ZBTB8OS: variants seen among roughly 807,000 people sequenced by gnomAD.
ZBTB8OS encodes tRNA-splicing ligase-activating factor archease.
ZBTB8OS carries 16 observed loss-of-function variants against 29.3 expected under a neutral mutation model. The observed-to-expected ratio is 0.55, with a 90% CI of 0.37 to 0.83. ZBTB8OS has a LOEUF of 0.83. Among genes scored for constraint, ZBTB8OS ranks in the 40% least tolerant of loss-of-function variants. ZBTB8OS has a pLI of 0.00. For missense variants in ZBTB8OS, 160 were observed against 196.9 expected (o/e 0.81, Z 1.12); for synonymous variants, 70 against 64.6 (o/e 1.08, Z -0.40).
chr1:32,626,761 C>T (rs1459915919), intron 6 of ZBTB8OS, among the ~76,000 whole-genome samples: 1 of 152,132 alleles, frequency 6.6e-6, no homozygotes, highest in Non-Finnish European at 1.5e-5. Flanking sequence ...GTTGGCCAGG[C>T]TGGTCTCAAA....
intron 1 of ZBTB8OS, among the ~76,000 whole-genome samples, chr1:32,643,227 C>T (rs1332973724): frequency 6.6e-6 from 1 of 151,366 alleles, no homozygotes; most frequent in Non-Finnish European, 1.5e-5. Context: ...TGCACCACCA[C>T]GCATGGCTAA....
chr1:32,627,102 T>G (rs1281692576), intron 6 of ZBTB8OS, among the ~76,000 whole-genome samples: 1 of 152,146 alleles, frequency 6.6e-6, no homozygotes, highest in African/African-American at 2.4e-5. Flanking sequence ...AGAAAAAAAC[T>G]GCCAACTCCT....
chr1:32,644,505 T>C (rs965447068), intron 1 of ZBTB8OS, among the ~76,000 whole-genome samples: 4 of 151,302 alleles, frequency 2.6e-5, no homozygotes, highest in African/African-American at 9.7e-5. Context: ...AGCCACTGCT[T>C]CTATCCTAAG....
At chr1:32,630,521 C>T (rs1386353000) in intron 5 of ZBTB8OS, among the ~76,000 whole-genome samples, 1 of 151,904 alleles carries the variant, frequency 6.6e-6, no homozygotes, top group Admixed American at 6.6e-5. Flanking sequence ...CCACTGCACT[C>T]CAGCCTGGGG....
intron 1 of ZBTB8OS, among the ~76,000 whole-genome samples, chr1:32,637,292 G>A (rs559578991): frequency 8.6e-5 from 13 of 151,178 alleles, no homozygotes; most frequent in East Asian, 7.7e-4. Context: ...GGCCGGGCGC[G>A]GTGGCTCACG....
Position 32,621,090 on chromosome 1 carries a change from G to C in ZBTB8OS, c.*772C>G, listed in dbSNP as rs1489621008. The C allele has an allele frequency of 1.3e-5, 2 of 152,360 alleles. No individual in the cohort carries two copies. Among genetic ancestry groups the C allele is most frequent in the Non-Finnish European group, 2.9e-5 (2 of 68,064 alleles). 9.4% of individuals were successfully genotyped at this position (152,360 alleles called of 1,614,324 possible). A position where few individuals can be genotyped will look rare whatever the true frequency, so the allele number is the denominator to read the frequency against. On this transcript the variant is annotated 3_prime_UTR_variant, in exon 7 of 7. Transcript: ENST00000468695. ...AGCAACCTAAACCAGCACCTCCCTT[G>C]ATGTGCATATAGAAAATCTATGTCT...
At chr1:32,631,168 C>A (rs1645524313) in intron 5 of ZBTB8OS, among the ~76,000 whole-genome samples, 1 of 151,790 alleles carries the variant, frequency 6.6e-6, no homozygotes, top group African/African-American at 2.4e-5. Context: ...CCAGCCTGGG[C>A]AACATGGGGA....
At chr1:32,634,513 A>T (rs1037871079) in intron 2 of ZBTB8OS, 1 of 541,412 alleles carries the variant, frequency 1.8e-6, no homozygotes, top group Non-Finnish European at 3.3e-6. Context: ...GCGTTGAGCC[A>T]CCACACCCGG....
At chr1:32,646,481 G>A (rs922836413) in intron 1 of ZBTB8OS, among the ~76,000 whole-genome samples, 136 of 151,214 alleles carry the variant, frequency 9.0e-4, no homozygotes, top group African/African-American at 2.9e-3. Context: ...TCCGCCTCCC[G>A]GGTTCACGCC....
In ZBTB8OS at chr1:32,633,712, G is replaced by T. The variant is rs775482761; in HGVS notation, c.260C>A (p.Ser87Tyr). ...TTCATCCAAAAAGTGAAACAGAAGA[G>T]ACTGTAAGTCATCTCCTACACAAGA... ...EVETQGDDLQ[S>Y]LLFHFLDEWL... is the part of the protein sequence containing the mutation. The change falls in exon 4 of 7, where the codon TCT (serine) becomes TAT (tyrosine). Residue 87 changes from serine (S) to tyrosine (Y), a missense_variant. Ser to Tyr is a moderately radical substitution (Grantham distance 144). Coordinates refer to ENST00000468695, the MANE Select transcript of ZBTB8OS (RefSeq NM_178547.5). The T allele has an allele frequency of 1.9e-6, 3 of 1,607,244 alleles. No homozygotes were observed. Among genetic ancestry groups the T allele is most frequent in the East Asian group, 2.2e-5 (1 of 44,782 alleles).
At chr1:32,645,063 T>C (rs811491) in intron 1 of ZBTB8OS, among the ~76,000 whole-genome samples, 147,348 of 151,942 alleles carry the variant, frequency 0.97, 71,608 homozygotes, top group East Asian at 1. Context: ...CCTGCAGTCC[T>C]GGCTACTCAG....
At chr1:32,627,888 A>T (rs1426688771) in intron 5 of ZBTB8OS, 1 of 202,962 alleles carries the variant, frequency 4.9e-6, no homozygotes, top group African/African-American at 2.3e-5. Context: ...TTAAAAAAAT[A>T]AAAAAAGTTA....
upstream of ZBTB8OS, chr1:32,650,585 A>G (rs760557000): frequency 5.0e-6 from 8 of 1,613,432 alleles, no homozygotes; most frequent in South Asian, 2.2e-5. Flanking sequence ...TTCGGCCCGG[A>G]GTTACTACTT....
Position 32,633,635 on chromosome 1 carries a change from C to T in ZBTB8OS, c.327+10G>A, listed in dbSNP as rs1215904818. The T allele has an allele frequency of 1.9e-6, 3 of 1,584,428 alleles. No homozygotes were observed. Among genetic ancestry groups the T allele is most frequent in the East Asian group, 2.2e-5 (1 of 44,644 alleles). On this transcript the variant is annotated intron_variant, in intron 4 of 6. Coordinates refer to ENST00000468695, the MANE Select transcript of ZBTB8OS (RefSeq NM_178547.5). Reference sequence around the variant, plus strand: ...CATTTGCTCAGTAAAAAAGAAAAACCTTTGCTTACCCGGGGTATGAAGAAT... The same window carrying T: ...CATTTGCTCAGTAAAAAAGAAAAACTTTTGCTTACCCGGGGTATGAAGAAT...
At chr1:32,644,145 T>A (rs1251882730) in intron 1 of ZBTB8OS, among the ~76,000 whole-genome samples, 2 of 152,170 alleles carry the variant, frequency 1.3e-5, no homozygotes, top group African/African-American at 4.8e-5. Context: ...AGTAAACAGT[T>A]CCAGGTGCAG....
At position 32,621,710 on chromosome 1, in the gene ZBTB8OS, CTTTCTGAAAG is replaced by C; in HGVS notation, c.*142_*151del. On this transcript the variant is annotated 3_prime_UTR_variant, in exon 7 of 7. Coordinates refer to ENST00000468695, the MANE Select transcript of ZBTB8OS (RefSeq NM_178547.5). Reference sequence around the variant, plus strand: ...GACCAAGGCTGTGCCCTGATTTTCCCTTTCTGAAAGTCACACTTTAACTAAAATATTTCTG... The same window carrying C: ...GACCAAGGCTGTGCCCTGATTTTCCCTCACACTTTAACTAAAATATTTCTG... The C allele has an allele frequency of 1.3e-5, 8 of 635,824 alleles. No individual in the cohort carries two copies. The South Asian group carries it at 1.5e-4, about 12-fold the overall frequency. 39.4% of individuals were successfully genotyped at this position (635,824 alleles called of 1,614,324 possible).
At chr1:32,643,060 C>A (rs1461773793) in intron 1 of ZBTB8OS, among the ~76,000 whole-genome samples, 3 of 124,318 alleles carry the variant, frequency 2.4e-5, no homozygotes, top group African/African-American at 5.7e-5. Context: ...CGTGAGCCAC[C>A]GTGCCTGGCC....
At chr1:32,635,261 A>G (rs548695470) in intron 1 of ZBTB8OS, among the ~76,000 whole-genome samples, 345 of 150,228 alleles carry the variant, frequency 2.3e-3, no homozygotes, top group African/African-American at 8.2e-3. Context: ...AACATTCTTC[A>G]TCCATATCAT....
Position 32,648,758 on chromosome 1 carries a change from A to G in ZBTB8OS, c.97+1675T>C, listed in dbSNP as rs147847784. ...ACTGCAACCTCCGCCTCCCAGGTTC[A>G]AGCGATTCTCCTGCCTCAGCCGCCC... On this transcript the variant is annotated intron_variant, in intron 1 of 6. Coordinates refer to ENST00000468695, the MANE Select transcript of ZBTB8OS (RefSeq NM_178547.5). Among the ~76,000 whole-genome samples, 192 of 150,478 alleles carry G rather than the reference A, an allele frequency of 1.3e-3. 7 individuals are homozygous for G. The East Asian group carries it at 0.036, about 28-fold the overall frequency.
Sources: allele counts gnomAD v4.1 joint callset (sites outside exome capture counted in the v4.1 genomes callset), GRCh38; gene constraint gnomAD v4.1.1; transcripts MANE v1.5; gene names NCBI Gene and HGNC (gene_info 2026-07-23, HGNC 2026-07-21).